PARD3B: variants seen among roughly 807,000 people sequenced by gnomAD.
PARD3B encodes partitioning defective 3 homolog B.
A neutral mutation model predicts 130.2 loss-of-function variants in PARD3B; 103 were observed. The observed-to-expected ratio is 0.79, with a 90% CI of 0.67 to 0.93. The LOEUF is 0.93. Among genes scored for constraint, PARD3B ranks in the 40% least tolerant of loss-of-function variants. The pLI, the probability that PARD3B is intolerant of heterozygous loss-of-function variation, is 0.00. For synonymous variants in PARD3B, 583 were observed against 553.2 expected (o/e 1.05, Z -0.76); for missense variants, 1,609 against 1,499.2 (o/e 1.07, Z -1.21).
At chr2:205,072,852 A>T (rs2125490040) in intron 4 of PARD3B, among the ~76,000 whole-genome samples, 1 of 152,272 alleles carries the variant, frequency 6.6e-6, no homozygotes, top group South Asian at 2.1e-4. Flanking sequence ...ATGCAATGAG[A>T]TAGATTAGAA....
chr2:205,098,854 T>C (rs1327066844), intron 4 of PARD3B, among the ~76,000 whole-genome samples: 1 of 152,194 alleles, frequency 6.6e-6, no homozygotes, highest in Non-Finnish European at 1.5e-5. Context: ...GAAGTGTTGA[T>C]TTTAAAGCTA....
chr2:205,199,184 G>A (rs935001768), intron 15 of PARD3B, among the ~76,000 whole-genome samples: 2 of 152,106 alleles, frequency 1.3e-5, no homozygotes, highest in Non-Finnish European at 2.9e-5. Flanking sequence ...ATTAAACACT[G>A]GAGATGTGGT....
intron 2 of PARD3B, among the ~76,000 whole-genome samples, chr2:204,876,696 C>G (rs529136371): frequency 6.6e-6 from 1 of 152,120 alleles, no homozygotes; most frequent in Non-Finnish European, 1.5e-5. Flanking sequence ...AATCCAGCTT[C>G]CTTGTTTTCC....
At chr2:205,348,277 C>CTTA (rs2043867383) in intron 18 of PARD3B, 1 of 152,228 alleles carries the variant, frequency 6.6e-6, no homozygotes, top group Admixed American at 6.5e-5. Flanking sequence ...ATCACTTGTG[C>CTTA]TTAGAACATT....
At position 204,841,860 on chromosome 2, in the gene PARD3B, G is replaced by C. The variant is rs191515828; in HGVS notation, c.223-123292G>C. On this transcript the variant is annotated intron_variant, in intron 2 of 22. Coordinates refer to ENST00000406610, the MANE Select transcript of PARD3B (RefSeq NM_001302769.2). The stretch of plus-strand genomic sequence containing the variant: ...TTTTTTTGCAGAAGTTTTTTGGTGG[G>C]GTTTTTTTTTGGTGTCAACACAACT... Among the ~76,000 whole-genome samples, 1,175 of 151,748 alleles carry C rather than the reference G, an allele frequency of 7.7e-3. 18 individuals are homozygous for C. Among genetic ancestry groups the C allele is most frequent in the African/African-American group, 0.025 (1,034 of 41,352 alleles).
At chr2:204,772,242 G>A (rs79245537) in intron 2 of PARD3B, among the ~76,000 whole-genome samples, 1,791 of 152,120 alleles carry the variant, frequency 0.012, 27 homozygotes, top group African/African-American at 0.041. Context: ...GGCAGAAGAC[G>A]TAACATATGT....
Position 205,619,053 on chromosome 2 carries a change from G to A in PARD3B, c.*3240G>A, listed in dbSNP as rs995595789. 6.6e-5 allele frequency: 10 copies of A among 152,274 alleles called. No homozygotes were observed. Among genetic ancestry groups the A allele is most frequent in the East Asian group, 5.8e-4 (3 of 5,184 alleles). The allele number at this position is 152,274 out of a possible 1,614,324, so 9.4% of individuals were successfully genotyped here. On this transcript the variant is annotated 3_prime_UTR_variant, in exon 23 of 23. Transcript: ENST00000406610. ...GGGGTTCTGAGACCGACTGTCACCCGTGGATCCTGATGGGGAAGAACAGAG... is the reference window on the plus strand; with the variant it reads ...GGGGTTCTGAGACCGACTGTCACCCATGGATCCTGATGGGGAAGAACAGAG...
At chr2:204,901,295 A>C (rs534900581) in intron 2 of PARD3B, among the ~76,000 whole-genome samples, 2 of 152,162 alleles carry the variant, frequency 1.3e-5, no homozygotes, top group East Asian at 3.9e-4. Context: ...TGGCAGCTGC[A>C]CTGGTACTGA....
At chr2:205,284,993 G>GTTTTT (rs5837964) in intron 16 of PARD3B, among the ~76,000 whole-genome samples, 2 of 143,812 alleles carry the variant, frequency 1.4e-5, no homozygotes, top group Admixed American at 6.9e-5. Context: ...GCACAAAACA[G>GTTTTT]TTTTTTTTTT....
intron 2 of PARD3B, among the ~76,000 whole-genome samples, chr2:204,860,904 A>G (rs887049233): frequency 6.6e-6 from 1 of 152,188 alleles, no homozygotes; most frequent in Non-Finnish European, 1.5e-5. Flanking sequence ...CTTGTTTAGC[A>G]TTGGGCTAAA....
At chr2:205,216,106 T>C (rs922791290) in intron 15 of PARD3B, among the ~76,000 whole-genome samples, 2 of 152,148 alleles carry the variant, frequency 1.3e-5, no homozygotes, top group African/African-American at 4.8e-5. Flanking sequence ...ACAGTCTATG[T>C]TTACTATATC....
chr2:204,841,436 A>G (rs941190141), intron 2 of PARD3B, among the ~76,000 whole-genome samples: 2 of 152,122 alleles, frequency 1.3e-5, no homozygotes, highest in African/African-American at 2.4e-5. Flanking sequence ...CTTTTCTTTA[A>G]TTTTACTTAT....
chr2:205,437,145 G>A (rs1001098488), intron 19 of PARD3B, among the ~76,000 whole-genome samples: 4 of 152,104 alleles, frequency 2.6e-5, no homozygotes, highest in Non-Finnish European at 4.4e-5. Context: ...GGTGCACTCC[G>A]CCTTTAGGGC....
At chr2:205,516,857 A>G (rs2050812117) in intron 21 of PARD3B, among the ~76,000 whole-genome samples, 1 of 152,102 alleles carries the variant, frequency 6.6e-6, no homozygotes. Context: ...TTCAAGAGAA[A>G]TGCTTCCAGT....
intron 15 of PARD3B, among the ~76,000 whole-genome samples, chr2:205,231,809 T>C (rs1272365456): frequency 2.0e-5 from 3 of 152,184 alleles, no homozygotes; most frequent in African/African-American, 7.2e-5. Context: ...GAGATCTGCA[T>C]AGCGTGAACT....
intron 10 of PARD3B, among the ~76,000 whole-genome samples, chr2:205,154,917 A>G (rs562657386): frequency 6.6e-6 from 1 of 152,114 alleles, no homozygotes. Context: ...TGGGGGAGGG[A>G]TAGCATTAGG....
At chr2:204,880,064 A>G (rs913706330) in intron 2 of PARD3B, among the ~76,000 whole-genome samples, 1 of 152,104 alleles carries the variant, frequency 6.6e-6, no homozygotes, top group Non-Finnish European at 1.5e-5. Flanking sequence ...GTTCTAAAGG[A>G]TTGTTTCTTT....
chr2:205,106,481 ATGTGTGTG>A (rs202186761), intron 5 of PARD3B, among the ~76,000 whole-genome samples: 14,177 of 146,902 alleles, frequency 0.097, 1,085 homozygotes, highest in Admixed American at 0.25. Flanking sequence ...TAAGAAATGT[ATGTGTGTG>A]TGTGTGTGTG....
intron 2 of PARD3B, among the ~76,000 whole-genome samples, chr2:204,814,358 G>C (rs763303421): frequency 2.6e-5 from 4 of 151,160 alleles, no homozygotes; most frequent in Non-Finnish European, 5.9e-5. Context: ...TATATATCAT[G>C]TACAATTATA....
Sources: allele counts gnomAD v4.1 joint callset (sites outside exome capture counted in the v4.1 genomes callset), GRCh38; gene constraint gnomAD v4.1.1; transcripts MANE v1.5; gene names NCBI Gene and HGNC (gene_info 2026-07-23, HGNC 2026-07-21).